OCRL: variants seen among roughly 807,000 people sequenced by gnomAD.
OCRL encodes OCRL inositol polyphosphate-5-phosphatase, also known as inositol polyphosphate 5-phosphatase OCRL.
In OCRL, 8 loss-of-function variants were observed where a neutral mutation model predicts 78.9. The observed-to-expected ratio is 0.10, with a 90% confidence interval of 0.06 to 0.18. The LOEUF is 0.18. Among genes scored for constraint, OCRL ranks in the 10% least tolerant of loss-of-function variants. The probability of loss-of-function intolerance (pLI) is 1.00; values close to 1 mark genes in which losing one functional copy is unlikely to be tolerated. For synonymous variants in OCRL, 240 were observed against 235.4 expected, an observed-to-expected ratio of 1.02 and a Z score of -0.18; for missense variants, 454 against 696.7, an observed-to-expected ratio of 0.65 and a Z score of 3.92.
chrX:129,569,924 A>G (rs1300416003), intron 15 of OCRL, among the ~76,000 whole-genome samples: 2 of 101,982 alleles, frequency 2.0e-5, no homozygotes, highest in African/African-American at 7.2e-5. Flanking sequence ...GCTCACTGCA[A>G]CCTCCTCTTC....
At chrX:129,570,116 G>A (rs1027205512) in intron 15 of OCRL, among the ~76,000 whole-genome samples, 3 of 111,595 alleles carry the variant, frequency 2.7e-5, no homozygotes, top group African/African-American at 9.8e-5. Flanking sequence ...TTTAAACTGT[G>A]TGTTATTGGT....
intron 8 of OCRL, among the ~76,000 whole-genome samples, chrX:129,559,390 G>A (rs1298851387): frequency 9.0e-6 from 1 of 111,629 alleles, no homozygotes; most frequent in Non-Finnish European, 1.9e-5. Context: ...ATAGAGACTG[G>A]GTTTCACCAG....
At chrX:129,581,740 TG>T (rs2124423474) in intron 18 of OCRL, among the ~76,000 whole-genome samples, 2 of 103,546 alleles carry the variant, frequency 1.9e-5, no homozygotes, top group Admixed American at 1.1e-4. Flanking sequence ...TGTGTGTGTG[TG>T]TGTGTGTGTG....
chrX:129,547,959 T>C, intron 3 of OCRL, among the ~76,000 whole-genome samples: 1 of 111,272 alleles, frequency 9.0e-6, no homozygotes, highest in East Asian at 2.8e-4. Flanking sequence ...AGGAGAACCA[T>C]TGAGAGATAA....
At chrX:129,571,342 G>GTTTTTGT (rs1244778502) in intron 15 of OCRL, among the ~76,000 whole-genome samples, 1 of 88,508 alleles carries the variant, frequency 1.1e-5, no homozygotes, top group East Asian at 3.5e-4. Context: ...TTTTTTGTTT[G>GTTTTTGT]TTTTTGTTTT....
chrX:129,540,260 T>C lies in OCRL; in HGVS notation c.-180T>C. ...CTGGCGGGGGCGCGAGGCGCCGCTCTCTCTTGGGTCAGATTCTCAGCTCCC... is the reference window on the plus strand; with the variant it reads ...CTGGCGGGGGCGCGAGGCGCCGCTCCCTCTTGGGTCAGATTCTCAGCTCCC... On this transcript the variant is annotated 5_prime_UTR_variant, in exon 1 of 24. Transcript: ENST00000371113. The C allele has an allele frequency of 2.0e-6, 1 of 487,809 alleles. No individual in the cohort carries two copies. Among genetic ancestry groups the C allele is most frequent in the South Asian group, 3.2e-5 (1 of 31,199 alleles). 40.2% of individuals were successfully genotyped at this position (487,809 alleles called of 1,213,427 possible).
chrX:129,576,730 G>A (rs1170538023), intron 18 of OCRL, among the ~76,000 whole-genome samples, 178 bp downstream of exon 18: 1 of 111,585 alleles, frequency 9.0e-6, no homozygotes, highest in African/African-American at 3.3e-5. Context: ...GAAAGAGGGG[G>A]GACTAATCTG....
At chrX:129,583,293 C>T (rs1438693832) in intron 18 of OCRL, among the ~76,000 whole-genome samples, 1 of 111,742 alleles carries the variant, frequency 8.9e-6, no homozygotes, top group Non-Finnish European at 1.9e-5. Context: ...CTGTCCTTAG[C>T]CTGTTATGGA....
Position 129,565,546 on chromosome X carries a change from A to G in OCRL, c.1245-226A>G, listed in dbSNP as rs1245079761. Among the ~76,000 whole-genome samples, 4 of 112,044 alleles carry G rather than the reference A, an allele frequency of 3.6e-5. No homozygotes were observed. The Admixed American group carries it at 3.8e-4, about 11-fold the overall frequency. Reference sequence around the variant, plus strand: ...CCCATACGTAATATTTCCCAGTTTCATTCTTCATGTACAGAGTCCTCTTCT... The same window carrying G: ...CCCATACGTAATATTTCCCAGTTTCGTTCTTCATGTACAGAGTCCTCTTCT... On this transcript the variant is annotated intron_variant, in intron 12 of 23. Coordinates refer to ENST00000371113, the MANE Select transcript of OCRL (RefSeq NM_000276.4).
At chrX:129,544,644 A>G (rs1484872835) in intron 2 of OCRL, among the ~76,000 whole-genome samples, 1 of 111,971 alleles carries the variant, frequency 8.9e-6, no homozygotes, top group African/African-American at 3.2e-5. Context: ...CATGGACTTC[A>G]CATCTAGCTG....
chrX:129,578,444 CTTG>C (rs1054468331), intron 18 of OCRL, among the ~76,000 whole-genome samples: 1 of 102,691 alleles, frequency 9.7e-6, no homozygotes, highest in South Asian at 4.4e-4. Context: ...TTGTTTCCTT[CTTG>C]TTTTTTTTTT....
intron 3 of OCRL, among the ~76,000 whole-genome samples, chrX:129,547,412 C>T (rs1488226142): frequency 8.4e-5 from 9 of 107,126 alleles, no homozygotes; most frequent in Non-Finnish European, 1.7e-4. Flanking sequence ...GTAGTCCCAA[C>T]TACTCGGGAG....
rs1265058178 is a variant in OCRL at position 129,560,650 on chromosome X, G to A, written c.823G>A (p.Gly275Arg). Residue 275 changes from glycine to arginine, a missense_variant and splice_region_variant, in exon 9 of 24, where the codon GGA becomes AGA. Transcript: ENST00000371113. ...DPNPPDIYCIGFQELDLSTEA... is the reference protein window; with the variant it reads ...DPNPPDIYCIRFQELDLSTEA... ...CAATCCTCCTGATATCTACTGCATT[G>A]GGTAAAGAACACTTCTGGAATTTCC... The A allele has an allele frequency of 8.8e-7, 1 of 1,138,518 alleles. No individual in the cohort carries two copies. The highest frequency in any genetic ancestry group is 1.8e-5 in the African/African-American group (1 of 56,417). The allele number at this position is 1,138,518 out of a possible 1,213,427, so 93.8% of individuals were successfully genotyped here. A position where few individuals can be genotyped will look rare whatever the true frequency, so the allele number is the denominator to read the frequency against.
At chrX:129,542,423 TATATAAACTATAGTTTTAAATAC>T (rs200145165) in intron 2 of OCRL, among the ~76,000 whole-genome samples, 6,875 of 110,379 alleles carry the variant, frequency 0.062, 255 homozygotes, top group Non-Finnish European at 0.094. Flanking sequence ...GTTTTAAATA[TATATAAACTATAGTTTTAAATAC>T]ATATAAACTA....
intron 15 of OCRL, 44 bp downstream of exon 15, chrX:129,569,443 C>G: frequency 8.8e-7 from 1 of 1,135,910 alleles, no homozygotes; most frequent in East Asian, 3.0e-5. Context: ...TGTTAAGTAT[C>G]AATTACTAGA....
At chrX:129,584,732 T>A (rs1936487893) in intron 19 of OCRL, among the ~76,000 whole-genome samples, 1 of 112,164 alleles carries the variant, frequency 8.9e-6, no homozygotes, top group Non-Finnish European at 1.9e-5. Flanking sequence ...AGTAGCTTTC[T>A]GTTGCATTAA....
chrX:129,576,572 A>T lies in OCRL; in HGVS notation c.2115+20A>T, dbSNP rs764858341. ...GACTTGGTAAGAACTGTCCCAAGACATAAACCTCTTTTACATTTAATTTTC... is the reference window on the plus strand; with the variant it reads ...GACTTGGTAAGAACTGTCCCAAGACTTAAACCTCTTTTACATTTAATTTTC... On this transcript the variant is annotated intron_variant, in intron 18 of 23. Transcript: ENST00000371113. 1 of 1,073,984 alleles carries T rather than the reference A, an allele frequency of 9.3e-7. No individual in the cohort carries two copies. Among genetic ancestry groups the T allele is most frequent in the Admixed American group, 2.2e-5 (1 of 45,854 alleles). The allele number at this position is 1,073,984 out of a possible 1,213,427, so 88.5% of individuals were successfully genotyped here.
intron 4 of OCRL, among the ~76,000 whole-genome samples, chrX:129,554,152 T>TAA (rs369917592): frequency 0.014 from 1,353 of 98,618 alleles, 13 homozygotes; most frequent in East Asian, 0.066. Flanking sequence ...CCCATCAGAT[T>TAA]AAAAAAAAAA....
Position 129,588,795 on chromosome X carries a change from A to T in OCRL, c.2342-91A>T, listed in dbSNP as rs769525585. On this transcript the variant is annotated intron_variant, in intron 21 of 23. Transcript: ENST00000371113. ...GTGCCCTGAATAAGAGGAGGGAAAC[A>T]GTCCCTGTAGGAGCTTGAGGAAAGG... The T allele has an allele frequency of 1.7e-4, 184 of 1,055,182 alleles. No homozygotes were observed. In the African/African-American group the frequency reaches 3.0e-3, roughly 17 times the overall value. The allele number at this position is 1,055,182 out of a possible 1,213,427, so 87.0% of individuals were successfully genotyped here.
Sources: gnomAD v4.1 joint callset for allele counts (sites outside exome capture counted in the v4.1 genomes callset) on GRCh38, gnomAD v4.1.1 for gene constraint, MANE v1.5 for transcripts, NCBI Gene and HGNC (gene_info 2026-07-23, HGNC 2026-07-21) for gene names.